Variants in STARD13 observed in about 807,000 individuals in gnomAD.
The protein encoded by STARD13 is StAR related lipid transfer domain containing 13.
STARD13 carries 62 observed loss-of-function variants against 106.4 expected under a neutral mutation model. That is an observed-to-expected ratio of 0.58 (90% CI 0.48 to 0.72). STARD13 has a LOEUF of 0.72. Ranked by LOEUF, STARD13 falls within the 30% of genes least tolerant of loss-of-function variation. The probability of loss-of-function intolerance (pLI) is 0.00; values close to 1 mark genes in which losing one functional copy is unlikely to be tolerated. For missense variants in STARD13, 1,387 were observed against 1,424.0 expected, an observed-to-expected ratio of 0.97 and a Z score of 0.42; for synonymous variants, 565 against 553.0, an observed-to-expected ratio of 1.02 and a Z score of -0.31.
chr13:33,109,725 C>T, intron 12 of STARD13, 148 bp downstream of exon 12: 1 of 715,648 alleles, frequency 1.4e-6, no homozygotes, highest in Non-Finnish European at 2.4e-6. Flanking sequence ...ACACAGAAAA[C>T]TCAGATGTCA....
intron 3 of STARD13, among the ~76,000 whole-genome samples, chr13:33,146,737 A>T (rs1880597684): frequency 6.6e-6 from 1 of 152,234 alleles, no homozygotes; most frequent in Admixed American, 6.5e-5. Context: ...AGAAAGCTGT[A>T]AATTGATATG....
chr13:33,286,195 C>T (rs956697370), upstream of STARD13, among the ~76,000 whole-genome samples: 1 of 152,134 alleles, frequency 6.6e-6, no homozygotes, highest in Non-Finnish European at 1.5e-5. Flanking sequence ...TTCAAACAAG[C>T]ATCAACAGCT....
chr13:33,388,165 C>G, the STARD13 span, among the ~76,000 whole-genome samples: 2 of 152,198 alleles, frequency 1.3e-5, no homozygotes, highest in Non-Finnish European at 2.9e-5. Flanking sequence ...GCAGAGCCAA[C>G]AGGAGTTGAA....
the STARD13 span, among the ~76,000 whole-genome samples, chr13:33,619,052 A>G: frequency 2.0e-5 from 3 of 151,968 alleles, no homozygotes; most frequent in African/African-American, 7.2e-5. Context: ...AAATATTAGA[A>G]GCCATGTAAA....
the STARD13 span, among the ~76,000 whole-genome samples, chr13:33,514,069 A>G: frequency 4.6e-5 from 7 of 152,182 alleles, no homozygotes; most frequent in Non-Finnish European, 1.0e-4. Context: ...ACCCATTGAT[A>G]TTTATGGAAA....
At chr13:33,314,606 T>G (rs1893259982) in intron 1 of STARD13, among the ~76,000 whole-genome samples, 1 of 152,188 alleles carries the variant, frequency 6.6e-6, no homozygotes, top group Admixed American at 6.5e-5. Flanking sequence ...AAATATTTGA[T>G]AAGTGAATGA....
chr13:33,127,685 C>T, intron 5 of STARD13, 139 bp from the exon 6 acceptor site: 1 of 758,022 alleles, frequency 1.3e-6, no homozygotes, highest in Non-Finnish European at 2.0e-6. Flanking sequence ...GAACAGAAGA[C>T]ACAAGTGTGC....
the STARD13 span, among the ~76,000 whole-genome samples, chr13:33,394,015 GA>G: frequency 6.6e-6 from 1 of 152,104 alleles, no homozygotes; most frequent in Non-Finnish European, 1.5e-5. Context: ...AAGGCATAAG[GA>G]AATTATTATA....
At chr13:33,197,041 G>C (rs1886671155) in intron 1 of STARD13, among the ~76,000 whole-genome samples, 1 of 152,176 alleles carries the variant, frequency 6.6e-6, no homozygotes, top group Non-Finnish European at 1.5e-5. Context: ...ACTGATATGA[G>C]TGTATATTCA....
chr13:33,455,188 G>T, the STARD13 span, among the ~76,000 whole-genome samples: 1 of 152,184 alleles, frequency 6.6e-6, no homozygotes, highest in African/African-American at 2.4e-5. Flanking sequence ...TGGTGGAAAG[G>T]TCTGCCAACA....
chr13:33,373,268 T>C, the STARD13 span, among the ~76,000 whole-genome samples: 1 of 152,192 alleles, frequency 6.6e-6, no homozygotes, highest in East Asian at 1.9e-4. Context: ...CCTGAAATTG[T>C]TCACAATTAT....
chr13:33,662,749 A>T, the STARD13 span, among the ~76,000 whole-genome samples: 2 of 152,230 alleles, frequency 1.3e-5, no homozygotes, highest in Non-Finnish European at 2.9e-5. Context: ...ACACAAGGTT[A>T]AAACGAATTT....
In STARD13 at chr13:33,130,277, C is replaced by T. The variant is rs758596770; in HGVS notation, c.400G>A (p.Asp134Asn). ...TTGCTGATACAAAGATCTTCCTCATCGGAGTCGTCACCCTGCAGAGCACCA... is the reference window on the plus strand; with the variant it reads ...TTGCTGATACAAAGATCTTCCTCATTGGAGTCGTCACCCTGCAGAGCACCA... Reference protein sequence around the residue: ...NFQRKKGDDSDEEDLCISNKW... With the variant: ...NFQRKKGDDSNEEDLCISNKW... The change falls in exon 5 of 14, where the codon GAT becomes AAT. Residue 134 changes from aspartate to asparagine, a missense_variant. Transcript: ENST00000336934. This position sits in a 1 kb window ranked among gnomAD's most constrained non-coding sequence, Gnocchi z 4.1. 2.1e-5 allele frequency: 34 copies of T among 1,600,954 alleles called. No homozygotes were observed. The highest frequency in any genetic ancestry group is 6.7e-5 in the African/African-American group (5 of 74,922).
chr13:33,596,835 G>A, the STARD13 span, among the ~76,000 whole-genome samples: 1 of 152,140 alleles, frequency 6.6e-6, no homozygotes, highest in African/African-American at 2.4e-5. Flanking sequence ...ACGACCTACA[G>A]TTCCAACCAT....
the STARD13 span, among the ~76,000 whole-genome samples, chr13:33,389,013 T>TGGTGCAACCTTGGCTC: frequency 6.6e-6 from 1 of 150,972 alleles, no homozygotes; most frequent in South Asian, 2.1e-4. Context: ...TGGAGTGCTA[T>TGGTGCAACCTTGGCTC]GGTGCAACCT....
chr13:33,539,402 C>T, the STARD13 span, among the ~76,000 whole-genome samples: 2 of 152,190 alleles, frequency 1.3e-5, no homozygotes, highest in East Asian at 1.9e-4. Context: ...ATTGAAATGA[C>T]AATTTAAAAA....
At chr13:33,401,092 A>T in the STARD13 span, among the ~76,000 whole-genome samples, 1 of 152,114 alleles carries the variant, frequency 6.6e-6, no homozygotes, top group African/African-American at 2.4e-5. Flanking sequence ...CCCCTGGGAC[A>T]CCCCTCCAGC....
At chr13:33,549,984 C>G in the STARD13 span, among the ~76,000 whole-genome samples, 191 of 152,298 alleles carry the variant, frequency 1.3e-3, no homozygotes, top group Non-Finnish European at 1.8e-3. Flanking sequence ...TTCACTGTTG[C>G]TAGCATGCTG....
chr13:33,229,917 G>A (rs1888826231), intron 1 of STARD13, among the ~76,000 whole-genome samples: 1 of 152,168 alleles, frequency 6.6e-6, no homozygotes. Flanking sequence ...GGCTTTTTTG[G>A]AGAGTGGCTT....
Sources: gnomAD v4.1 joint callset for allele counts (sites outside exome capture counted in the v4.1 genomes callset) on GRCh38, gnomAD v4.1.1 for gene constraint, Gnocchi (gnomAD v3.1) non-coding constraint, MANE v1.5 for transcripts, NCBI Gene and HGNC (gene_info 2026-07-23, HGNC 2026-07-21) for gene names.